The following ITGBL1 variants were observed in gnomAD, a reference collection of about 807,000 sequenced individuals.
ITGBL1 encodes the protein integrin subunit beta like 1.
Under a neutral mutation model 68.5 loss-of-function variants are expected in ITGBL1, and 51 were observed. That is an observed-to-expected ratio of 0.74 (90% CI 0.59 to 0.94). The LOEUF is 0.94. Among genes scored for constraint, ITGBL1 ranks in the 40% least tolerant of loss-of-function variants. The probability of loss-of-function intolerance (pLI) is 0.00; values close to 1 mark genes in which losing one functional copy is unlikely to be tolerated. For synonymous variants in ITGBL1, 209 were observed against 227.3 expected (o/e 0.92, Z 0.72); for missense variants, 649 against 647.4 (o/e 1.00, Z -0.03).
chr13:101,602,299 C>G (rs921505418), intron 7 of ITGBL1, among the ~76,000 whole-genome samples: 1 of 151,962 alleles, frequency 6.6e-6, no homozygotes, highest in Non-Finnish European at 1.5e-5. Context: ...GGCATGTAGC[C>G]TCAGGTGTGT....
chr13:101,687,903 T>A (rs2033792997), intron 7 of ITGBL1, among the ~76,000 whole-genome samples: 1 of 152,132 alleles, frequency 6.6e-6, no homozygotes, highest in Non-Finnish European at 1.5e-5. Context: ...TTTTTTAGAT[T>A]TTCTTTTAAA....
intron 2 of ITGBL1, among the ~76,000 whole-genome samples, chr13:101,552,330 G>GTT (rs945077123): frequency 6.6e-6 from 1 of 151,146 alleles, no homozygotes; most frequent in East Asian, 1.9e-4. Context: ...TGATCTAGGT[G>GTT]TTTTTTTTTA....
At chr13:101,503,172 G>A (rs1566704776) in intron 2 of ITGBL1, among the ~76,000 whole-genome samples, 1 of 152,150 alleles carries the variant, frequency 6.6e-6, no homozygotes, top group Non-Finnish European at 1.5e-5. Flanking sequence ...GTGAAATTTA[G>A]GGAGGTAAAA....
At chr13:101,577,385 A>G in intron 4 of ITGBL1, among the ~76,000 whole-genome samples, 1 of 152,278 alleles carries the variant, frequency 6.6e-6, no homozygotes, top group Admixed American at 6.5e-5. Context: ...TTTTAATCTC[A>G]ATTATTCAGA....
downstream of ITGBL1, chr13:101,717,783 AC>A (rs1241317693): frequency 2.6e-5 from 4 of 152,158 alleles, no homozygotes; most frequent in African/African-American, 9.6e-5. Context: ...GCTGGGCAGT[AC>A]TTTGTCAGCC....
chr13:101,524,118 C>CT (rs35626509), intron 2 of ITGBL1, among the ~76,000 whole-genome samples: 2 of 137,098 alleles, frequency 1.5e-5, no homozygotes, highest in African/African-American at 2.6e-5. Flanking sequence ...GAAAAACAAA[C>CT]TTTTTTTTTA....
intron 7 of ITGBL1, among the ~76,000 whole-genome samples, chr13:101,653,912 A>AT (rs1165303841): frequency 7.2e-6 from 1 of 139,516 alleles, no homozygotes; most frequent in Admixed American, 7.7e-5. Context: ...GGGTTTCACC[A>AT]TGTTGGCCAG....
At chr13:101,489,994 A>T in intron 2 of ITGBL1, 1 of 1,474,508 alleles carries the variant, frequency 6.8e-7, no homozygotes, top group Non-Finnish European at 9.2e-7. Flanking sequence ...GGGAGCATTT[A>T]ATAAAGGTAA....
chr13:101,714,754 T>G, intron 10 of ITGBL1: 1 of 547,856 alleles, frequency 1.8e-6, no homozygotes. Context: ...TACAAGAGAA[T>G]GAAGCTAAAT....
chr13:101,568,641 G>A (rs1261379633), intron 3 of ITGBL1, among the ~76,000 whole-genome samples: 1 of 151,956 alleles, frequency 6.6e-6, no homozygotes, highest in East Asian at 1.9e-4. Context: ...AAGCTCTCTG[G>A]GTGATTTTAA....
chr13:101,454,966 G>T (rs760143827), intron 2 of ITGBL1, among the ~76,000 whole-genome samples: 5 of 152,016 alleles, frequency 3.3e-5, no homozygotes, highest in Admixed American at 6.5e-5. Context: ...TATTGGAAAG[G>T]GTCAAAAAAT....
At chr13:101,709,147 T>C (rs947088246) in intron 9 of ITGBL1, among the ~76,000 whole-genome samples, 8 of 150,574 alleles carry the variant, frequency 5.3e-5, no homozygotes, top group African/African-American at 1.7e-4. Flanking sequence ...GGGTGGATCA[T>C]GAGGTCAGGA....
intron 7 of ITGBL1, among the ~76,000 whole-genome samples, chr13:101,618,551 A>G (rs532893324): frequency 6.6e-6 from 1 of 152,332 alleles, no homozygotes; most frequent in African/African-American, 2.4e-5. Flanking sequence ...CAAAAAGGAC[A>G]GGGGTACAGA....
intron 2 of ITGBL1, among the ~76,000 whole-genome samples, chr13:101,484,821 A>G (rs2048677509): frequency 6.6e-6 from 1 of 152,144 alleles, no homozygotes; most frequent in South Asian, 2.1e-4. Flanking sequence ...AAGAAATAAT[A>G]ATGAAAATAT....
At chr13:101,510,137 T>C (rs1270511835) in intron 2 of ITGBL1, among the ~76,000 whole-genome samples, 11 of 152,096 alleles carry the variant, frequency 7.2e-5, no homozygotes, top group Admixed American at 7.2e-4. Context: ...TAATAGGTAG[T>C]TTGTAAACCA....
chr13:101,573,235 G>T (rs2050301729), intron 3 of ITGBL1, among the ~76,000 whole-genome samples: 1 of 152,090 alleles, frequency 6.6e-6, no homozygotes, highest in Admixed American at 6.6e-5. Flanking sequence ...ATAAATTATA[G>T]CATTAGATTT....
intron 2 of ITGBL1, chr13:101,490,005 G>C: frequency 6.9e-7 from 1 of 1,445,114 alleles, no homozygotes; most frequent in Non-Finnish European, 9.4e-7. Flanking sequence ...ATAAAGGTAA[G>C]TAGTATTTTT....
intron 2 of ITGBL1, among the ~76,000 whole-genome samples, chr13:101,560,142 CA>C (rs2050075500): frequency 6.6e-6 from 1 of 152,112 alleles, no homozygotes; most frequent in Admixed American, 6.5e-5. Flanking sequence ...AATTCTTTCA[CA>C]ATCTTTTCTT....
In ITGBL1 at chr13:101,673,411, C is replaced by T. The variant is rs149129415; in HGVS notation, c.1016-19174C>T. ...TTTAATTCAACCCAGCTATAAGATA[C>T]GAAATGATAGAATTGCTCTAGATTC... On this transcript the variant is annotated intron_variant, in intron 7 of 10. Transcript: ENST00000376180. Among the ~76,000 whole-genome samples the T allele has an allele frequency of 2.0e-3, 298 of 152,188 alleles. 1 individual carries two copies. The highest frequency in any genetic ancestry group is 6.9e-3 in the African/African-American group (286 of 41,518).
Sources: allele counts gnomAD v4.1 joint callset (sites outside exome capture counted in the v4.1 genomes callset), GRCh38; gene constraint gnomAD v4.1.1; transcripts MANE v1.5; gene names NCBI Gene and HGNC (gene_info 2026-07-23, HGNC 2026-07-21).